FBXL13: variants seen among roughly 807,000 people sequenced by gnomAD.
FBXL13 encodes the protein F-box and leucine-rich repeat protein 13.
A neutral mutation model predicts 83.6 loss-of-function variants in FBXL13; 67 were observed. That is an observed-to-expected ratio of 0.80 (90% CI 0.66 to 0.98). The LOEUF (loss-of-function observed/expected upper bound fraction) is 0.98, where lower values mean the gene tolerates loss of function less well. FBXL13 is among the 50% of genes least tolerant of loss of function. The probability of loss-of-function intolerance (pLI) is 0.00; values close to 1 mark genes in which losing one functional copy is unlikely to be tolerated. For synonymous variants in FBXL13, 272 were observed against 299.5 expected (o/e 0.91, Z 0.95); for missense variants, 822 against 866.5 (o/e 0.95, Z 0.64).
At position 102,986,918 on chromosome 7, in the gene FBXL13, TACAC is replaced by T. The variant is rs140052493; in HGVS notation, c.496-18805_496-18802del. Among the ~76,000 whole-genome samples, 6 of 148,402 alleles carry T rather than the reference TACAC, an allele frequency of 4.0e-5. No individual in the cohort carries two copies. In the East Asian group the frequency reaches 9.9e-4, roughly 25 times the overall value. On this transcript the variant is annotated intron_variant, in intron 6 of 19. Coordinates refer to ENST00000313221, the Ensembl canonical transcript of FBXL13. The stretch of plus-strand genomic sequence containing the variant: ...TAATGAGTAGATAAAGAAAATGTGA[TACAC>T]ACACACACACACACACACATATACA...
chr7:102,858,359 T>A (rs1806333878), intron 16 of FBXL13, among the ~76,000 whole-genome samples: 1 of 152,154 alleles, frequency 6.6e-6, no homozygotes, highest in Non-Finnish European at 1.5e-5. Context: ...TGAGTTCAGG[T>A]ATTCTGCAGC....
intron 8 of FBXL13, among the ~76,000 whole-genome samples, chr7:102,959,708 CAAAGGATATATAGGTT>C (rs1824874740): frequency 6.6e-6 from 1 of 151,748 alleles, no homozygotes; most frequent in Admixed American, 6.6e-5. Flanking sequence ...AAACGCATCT[CAAAGGATATATAGGTT>C]AAAGGATATA....
chr7:102,867,695 A>ATATATTTTTTTT (rs1239781180), intron 16 of FBXL13, among the ~76,000 whole-genome samples: 3 of 49,064 alleles, frequency 6.1e-5, no homozygotes, highest in African/African-American at 3.7e-4. Flanking sequence ...ATATATATAT[A>ATATATTTTTTTT]TTTTTTTTTT....
At chr7:102,820,204 A>G (rs1183151148) in intron 19 of FBXL13, among the ~76,000 whole-genome samples, 1 of 152,214 alleles carries the variant, frequency 6.6e-6, no homozygotes, top group Non-Finnish European at 1.5e-5. Context: ...CAGGGAGACT[A>G]AAAGGTAGTG....
intron 19 of FBXL13, among the ~76,000 whole-genome samples, chr7:102,818,787 T>A (rs974351931): frequency 2.6e-5 from 4 of 152,162 alleles, no homozygotes; most frequent in Admixed American, 6.5e-5. Flanking sequence ...TTTTAAAAAA[T>A]TTATTTCCAA....
chr7:102,962,248 C>T (rs1825348229), intron 8 of FBXL13, among the ~76,000 whole-genome samples: 1 of 151,998 alleles, frequency 6.6e-6, no homozygotes, highest in South Asian at 2.1e-4. Flanking sequence ...CTCATCATCA[C>T]TGGCCATCAG....
chr7:102,830,874 T>C (rs1800544411), intron 18 of FBXL13, among the ~76,000 whole-genome samples: 1 of 152,248 alleles, frequency 6.6e-6, no homozygotes, highest in African/African-American at 2.4e-5. Context: ...ACTCCAAGTT[T>C]TTCCTGTTAA....
At chr7:102,853,373 G>A (rs1195355096) in intron 17 of FBXL13, among the ~76,000 whole-genome samples, 1 of 152,144 alleles carries the variant, frequency 6.6e-6, no homozygotes, top group Non-Finnish European at 1.5e-5. Context: ...ATCAATTCAA[G>A]ATGGATTAAA....
At chr7:103,025,228 T>C (rs750869857) in exon 6 of FBXL13, 2 of 1,559,812 alleles carry the variant, frequency 1.3e-6, no homozygotes, top group Non-Finnish European at 1.8e-6. Context: ...CATGTTTTAA[T>C]ATCTGCAATG....
chr7:102,846,150 T>C (rs981238139), intron 17 of FBXL13, among the ~76,000 whole-genome samples: 3 of 152,196 alleles, frequency 2.0e-5, no homozygotes, highest in African/African-American at 4.8e-5. Flanking sequence ...GTATTGAATT[T>C]TTCTGCTTAT....
At chr7:103,032,998 C>T (rs1392895387) in intron 2 of FBXL13, among the ~76,000 whole-genome samples, 1 of 152,094 alleles carries the variant, frequency 6.6e-6, no homozygotes, top group African/African-American at 2.4e-5. Context: ...CCACTGCACT[C>T]CAGCCTGGGC....
rs58307950 is a variant in FBXL13 at position 102,826,724 on chromosome 7, C to CATATAT, written c.1855-4527_1855-4522dup. 6.7e-3 allele frequency among the ~76,000 whole-genome samples: 420 copies of CATATAT among 62,456 alleles called. 10 individuals carry two copies. Among genetic ancestry groups the CATATAT allele is most frequent in the Admixed American group, 9.7e-3 (40 of 4,132 alleles). 41.0% of individuals were successfully genotyped at this position (62,456 alleles called of 152,430 possible). On this transcript the variant is annotated intron_variant, in intron 18 of 19. Transcript: ENST00000313221. Reference sequence around the variant, plus strand: ...TGGGAGACAGAGTGAGACCCTGTCTCATATATATATATATATATATATATA... The same window carrying CATATAT: ...TGGGAGACAGAGTGAGACCCTGTCTCATATATATATATATATATATATATATATATA...
chr7:102,843,804 A>T (rs1277999697), intron 17 of FBXL13, among the ~76,000 whole-genome samples: 4 of 152,190 alleles, frequency 2.6e-5, no homozygotes, highest in Non-Finnish European at 5.9e-5. Flanking sequence ...ATAAAAATTT[A>T]AAAATCCAAT....
chr7:102,885,720 C>T (rs1267508524), intron 11 of FBXL13, among the ~76,000 whole-genome samples: 1 of 152,100 alleles, frequency 6.6e-6, no homozygotes, highest in Non-Finnish European at 1.5e-5. Flanking sequence ...GATTTACCTC[C>T]TATTTTTTCT....
chr7:102,959,992 A>G (rs960049012), intron 8 of FBXL13, among the ~76,000 whole-genome samples: 2 of 152,176 alleles, frequency 1.3e-5, no homozygotes, highest in Admixed American at 6.6e-5. Flanking sequence ...TCACATATAT[A>G]GAAATGTATT....
intron 6 of FBXL13, among the ~76,000 whole-genome samples, chr7:103,004,648 C>T (rs1014972714): frequency 1.3e-5 from 2 of 152,322 alleles, no homozygotes; most frequent in African/African-American, 4.8e-5. Flanking sequence ...GCCTCAATTT[C>T]ACTTTTTCCA....
chr7:102,880,157 G>A (rs1006609207), intron 14 of FBXL13, among the ~76,000 whole-genome samples: 1 of 152,152 alleles, frequency 6.6e-6, no homozygotes, highest in South Asian at 2.1e-4. Context: ...GATAAAAATA[G>A]TTTGAAAGTT....
intron 6 of FBXL13, among the ~76,000 whole-genome samples, chr7:102,970,277 C>G (rs1363947834): frequency 2.0e-5 from 3 of 151,902 alleles, no homozygotes; most frequent in Non-Finnish European, 4.4e-5. Flanking sequence ...TAAAATCTCT[C>G]AAAGAATTTG....
chr7:102,863,169 G>A (rs1563010590), intron 16 of FBXL13, among the ~76,000 whole-genome samples: 1 of 152,218 alleles, frequency 6.6e-6, no homozygotes, highest in African/African-American at 2.4e-5. Context: ...AAAGATGAAT[G>A]CTCATGATGG....
Sources: gnomAD v4.1 joint callset for allele counts (sites outside exome capture counted in the v4.1 genomes callset) on GRCh38, gnomAD v4.1.1 for gene constraint, MANE v1.5 for transcripts, NCBI Gene and HGNC (gene_info 2026-07-23, HGNC 2026-07-21) for gene names.